The following WASF3 variants were observed in gnomAD, a reference collection of about 807,000 sequenced individuals.
WASF3 encodes WASP family member 3, also known as actin-binding protein WASF3.
A neutral mutation model predicts 46.6 loss-of-function variants in WASF3; 11 were observed. The ratio of observed to expected loss-of-function variants is 0.24; its 90% confidence interval spans 0.15 to 0.39. WASF3 has a LOEUF of 0.39. Ranked by LOEUF, WASF3 falls within the 10% of genes least tolerant of loss-of-function variation. WASF3 has a pLI of 1.00. For synonymous variants in WASF3, 242 were observed against 259.7 expected (o/e 0.93, Z 0.65); for missense variants, 576 against 669.8 (o/e 0.86, Z 1.55).
At chr13:26,683,978 A>G (rs1222464355) in intron 9 of WASF3, among the ~76,000 whole-genome samples, 2 of 152,198 alleles carry the variant, frequency 1.3e-5, no homozygotes, top group Non-Finnish European at 2.9e-5. Context: ...AGACTTGGTC[A>G]CAGTTTAGTC....
intron 1 of WASF3, among the ~76,000 whole-genome samples, chr13:26,567,437 T>C (rs573870565): frequency 6.6e-6 from 1 of 152,332 alleles, no homozygotes; most frequent in East Asian, 1.9e-4. Flanking sequence ...CACATCTGGC[T>C]CTTTGCCTGA....
chr13:26,560,900 G>A (rs563335041), intron 1 of WASF3, among the ~76,000 whole-genome samples: 106 of 152,176 alleles, frequency 7.0e-4, no homozygotes, highest in Admixed American at 1.4e-3. Flanking sequence ...GCTCAGAGGA[G>A]GACCATAAAC....
At chr13:26,567,114 C>G (rs182629973) in intron 1 of WASF3, among the ~76,000 whole-genome samples, 253 of 152,202 alleles carry the variant, frequency 1.7e-3, no homozygotes, top group African/African-American at 5.7e-3. Flanking sequence ...AGTGAAAGTA[C>G]AACAATCAAA....
intron 2 of WASF3, among the ~76,000 whole-genome samples, chr13:26,636,381 G>T (rs1260775937): frequency 6.6e-6 from 1 of 152,202 alleles, no homozygotes; most frequent in East Asian, 1.9e-4. Context: ...CACAGTATTT[G>T]GGCGGAAGTG....
the WASF3 span, among the ~76,000 whole-genome samples, chr13:26,542,264 G>A: frequency 1.3e-5 from 2 of 152,202 alleles, no homozygotes; most frequent in East Asian, 3.8e-4. Flanking sequence ...TATTTGCCTT[G>A]TGGGTTATAA....
At position 26,599,496 on chromosome 13, in the gene WASF3, A is replaced by G. The variant is rs1880584458; in HGVS notation, c.-108-13465A>G. Reference sequence around the variant, plus strand: ...GCTCTCTCAGCTCTCCTGCCCTAGCACCTTGTGCACTACCCATGTGTATTT... The same window carrying G: ...GCTCTCTCAGCTCTCCTGCCCTAGCGCCTTGTGCACTACCCATGTGTATTT... On this transcript the variant is annotated intron_variant, in intron 1 of 9. Coordinates refer to ENST00000335327, the MANE Select transcript of WASF3 (RefSeq NM_006646.6). Among the ~76,000 whole-genome samples, 6 of 152,112 alleles carry G rather than the reference A, an allele frequency of 3.9e-5. No individual in the cohort carries two copies. The South Asian group carries it at 1.2e-3, about 32-fold the overall frequency.
At chr13:26,629,412 A>C (rs973181098) in intron 2 of WASF3, among the ~76,000 whole-genome samples, 2 of 152,182 alleles carry the variant, frequency 1.3e-5, no homozygotes, top group African/African-American at 4.8e-5. Flanking sequence ...CGCATTTCAG[A>C]TCAAGCTACG....
chr13:26,571,096 A>C (rs1879618791), intron 1 of WASF3, among the ~76,000 whole-genome samples: 1 of 152,080 alleles, frequency 6.6e-6, no homozygotes, highest in Non-Finnish European at 1.5e-5. Flanking sequence ...TATTATTTTG[A>C]GAATTGTCTA....
chr13:26,675,892 G>A (rs1883055513), intron 6 of WASF3, among the ~76,000 whole-genome samples: 1 of 152,058 alleles, frequency 6.6e-6, no homozygotes, highest in Admixed American at 6.6e-5. Flanking sequence ...TTGTATAGGA[G>A]GCAGGAAAAA....
At chr13:26,606,218 C>T (rs1593143955) in intron 1 of WASF3, among the ~76,000 whole-genome samples, 1 of 152,148 alleles carries the variant, frequency 6.6e-6, no homozygotes, top group East Asian at 1.9e-4. Context: ...TTTTCTGTAG[C>T]CTCACAGGAG....
intron 2 of WASF3, among the ~76,000 whole-genome samples, chr13:26,616,721 T>C (rs538137800): frequency 3.0e-4 from 45 of 152,168 alleles, no homozygotes; most frequent in Non-Finnish European, 5.4e-4. Flanking sequence ...TGGGGGGCTG[T>C]ACATGAGTCA....
At chr13:26,592,005 G>GGAC (rs1364236309) in intron 1 of WASF3, among the ~76,000 whole-genome samples, 1 of 147,072 alleles carries the variant, frequency 6.8e-6, no homozygotes, top group Non-Finnish European at 1.5e-5. Flanking sequence ...TCATTCAAAA[G>GGAC]GACCTCAAAG....
chr13:26,634,400 T>G (rs1053213413), intron 2 of WASF3, among the ~76,000 whole-genome samples: 3 of 152,208 alleles, frequency 2.0e-5, no homozygotes, highest in Non-Finnish European at 4.4e-5. Context: ...GAGATGGGTC[T>G]CCTGAATACA....
intron 3 of WASF3, among the ~76,000 whole-genome samples, chr13:26,661,865 G>A (rs1365283841): frequency 6.6e-6 from 1 of 152,210 alleles, no homozygotes; most frequent in Non-Finnish European, 1.5e-5. Context: ...CTGTTAAAAT[G>A]ATTGAAATCA....
Position 26,578,993 on chromosome 13 carries a change from C to CTTTTTTTTTTTTTTTTTTTTTTTT in WASF3, c.-109+21197_-109+21198insTTTTTTTTTTTTTTTTTTTTTTTT, listed in dbSNP as rs200299739. ...ACCTTATATTCTTGGGATACATTTC[C>CTTTTTTTTTTTTTTTTTTTTTTTT]TTTTTTTTTTTTTTTTTTTTTTTGT... On this transcript the variant is annotated intron_variant, in intron 1 of 9. Coordinates refer to ENST00000335327, the MANE Select transcript of WASF3 (RefSeq NM_006646.6). 1.2e-3 allele frequency among the ~76,000 whole-genome samples: 72 copies of CTTTTTTTTTTTTTTTTTTTTTTTT among 60,634 alleles called. 14 individuals carry two copies. Among genetic ancestry groups the CTTTTTTTTTTTTTTTTTTTTTTTT allele is most frequent in the African/African-American group, 2.1e-3 (28 of 13,030 alleles). The allele number at this position is 60,634 out of a possible 152,430, so 39.8% of individuals were successfully genotyped here.
intron 5 of WASF3, among the ~76,000 whole-genome samples, chr13:26,668,104 T>C (rs1217821372): frequency 6.6e-6 from 1 of 152,206 alleles, no homozygotes; most frequent in Non-Finnish European, 1.5e-5. Context: ...AAATGTATTC[T>C]GTAGTGTTAG....
Position 26,680,011 on chromosome 13 carries a change from A to T in WASF3, c.717-1043A>T, listed in dbSNP as rs368736509. On this transcript the variant is annotated intron_variant, in intron 7 of 9. Transcript: ENST00000335327. ...CTTCCCTGCTCCCTCAGCACCCCCA[A>T]TGTGTGTTTGGTATTTCCTTCAGAG... 1.6e-5 allele frequency: 26 copies of T among 1,591,092 alleles called. No homozygotes were observed. The African/African-American group carries it at 3.3e-4, about 20-fold the overall frequency.
intron 2 of WASF3, among the ~76,000 whole-genome samples, chr13:26,633,848 T>C (rs1448078174): frequency 2.0e-5 from 3 of 152,240 alleles, no homozygotes; most frequent in Non-Finnish European, 4.4e-5. Flanking sequence ...CACTGTGTTC[T>C]GAGAGACAGT....
chr13:26,575,952 C>A (rs1422628486), intron 1 of WASF3, among the ~76,000 whole-genome samples: 1 of 152,004 alleles, frequency 6.6e-6, no homozygotes, highest in African/African-American at 2.4e-5. Context: ...CCAGTTGGCT[C>A]TTAAAATGTG....
Sources: gnomAD v4.1 joint callset for allele counts (sites outside exome capture counted in the v4.1 genomes callset) on GRCh38, gnomAD v4.1.1 for gene constraint, MANE v1.5 for transcripts, NCBI Gene and HGNC (gene_info 2026-07-23, HGNC 2026-07-21) for gene names.